Variants in LMBRD2 observed in about 807,000 individuals in gnomAD.
The protein encoded by LMBRD2 is LMBR1 domain containing 2.
Under a neutral mutation model 94.4 loss-of-function variants are expected in LMBRD2, and 55 were observed. That is an observed-to-expected ratio of 0.58 (90% confidence interval 0.47 to 0.73). The LOEUF (loss-of-function observed/expected upper bound fraction) is 0.73, where lower values mean the gene tolerates loss of function less well. LMBRD2 is among the 30% of genes least tolerant of loss of function. The pLI, the probability that LMBRD2 is intolerant of heterozygous loss-of-function variation, is 0.00. For synonymous variants in LMBRD2, 246 were observed against 272.4 expected (o/e 0.90, Z 0.95); for missense variants, 640 against 831.9 (o/e 0.77, Z 2.84).
chr5:36,103,428 C>T lies in LMBRD2; in HGVS notation c.*618G>A, dbSNP rs1254573617. ...AGTACACATGCTAAATACACAGACA[C>T]GCATCACTTGAAGTATAATCTTAAT... is the stretch of plus-strand genomic sequence containing the variant. On this transcript the variant is annotated 3_prime_UTR_variant, in exon 18 of 18. Transcript: ENST00000296603. 1.3e-5 allele frequency: 2 copies of T among 152,238 alleles called. No homozygotes were observed. The highest frequency in any genetic ancestry group is 4.8e-5 in the African/African-American group (2 of 41,384). The allele number at this position is 152,238 out of a possible 1,614,324, so 9.4% of individuals were successfully genotyped here. A position where few individuals can be genotyped will look rare whatever the true frequency, so the allele number is the denominator to read the frequency against.
At chr5:36,106,508 C>CG (rs1554081237) in intron 16 of LMBRD2, among the ~76,000 whole-genome samples, 2,533 of 132,842 alleles carry the variant, frequency 0.019, 88 homozygotes, top group African/African-American at 0.067. Flanking sequence ...TTTTTTCTTT[C>CG]GTTTTTTTTT....
chr5:36,124,137 T>A, intron 7 of LMBRD2, 54 bp downstream of exon 7: 1 of 1,010,020 alleles, frequency 9.9e-7, no homozygotes, highest in Non-Finnish European at 1.5e-6. Flanking sequence ...ACTTTTGGTA[T>A]AATATTATAT....
At chr5:36,107,071 T>C (rs891242450) in intron 16 of LMBRD2, among the ~76,000 whole-genome samples, 1 of 152,192 alleles carries the variant, frequency 6.6e-6, no homozygotes, top group Non-Finnish European at 1.5e-5. Flanking sequence ...AAGCCCTCTT[T>C]TTCAATCCCC....
At chr5:36,139,753 G>A (rs976736214) in intron 4 of LMBRD2, among the ~76,000 whole-genome samples, 4 of 152,068 alleles carry the variant, frequency 2.6e-5, no homozygotes, top group Admixed American at 6.6e-5. Context: ...CCACTCTGGG[G>A]CTCCTCTCCA....
At chr5:36,124,947 AATAG>A (rs1382593817) in intron 6 of LMBRD2, among the ~76,000 whole-genome samples, 3 of 152,030 alleles carry the variant, frequency 2.0e-5, no homozygotes, top group African/African-American at 2.4e-5. Flanking sequence ...TAAATAAATA[AATAG>A]ATTAAAATTT....
Position 36,098,605 on chromosome 5 carries a change from A to G in LMBRD2, c.*5441T>C, listed in dbSNP as rs1230644920. 6.6e-6 allele frequency: 1 copy of G among 152,086 alleles called. No individual in the cohort carries two copies. Among genetic ancestry groups the G allele is most frequent in the Non-Finnish European group, 1.5e-5 (1 of 67,936 alleles). The allele number at this position is 152,086 out of a possible 1,614,324, so 9.4% of individuals were successfully genotyped here. ...TTCATGCAAAGCTACATTCTTTCCT[A>G]TATTTTAACAGCTAATCAAATAAAC... is the stretch of plus-strand genomic sequence containing the variant. On this transcript the variant is annotated 3_prime_UTR_variant, in exon 18 of 18. Transcript: ENST00000296603.
Position 36,103,879 on chromosome 5 carries a change from A to G in LMBRD2, c.*167T>C, listed in dbSNP as rs1743403210. The G allele has an allele frequency of 3.7e-6, 2 of 539,060 alleles. No individual in the cohort carries two copies. The highest frequency in any genetic ancestry group is 6.8e-6 in the Non-Finnish European group (2 of 295,320). The allele number at this position is 539,060 out of a possible 1,614,324, so 33.4% of individuals were successfully genotyped here. A position where few individuals can be genotyped will look rare whatever the true frequency, so the allele number is the denominator to read the frequency against. On this transcript the variant is annotated 3_prime_UTR_variant, in exon 18 of 18. Coordinates refer to ENST00000296603, the MANE Select transcript of LMBRD2 (RefSeq NM_001007527.2). Reference sequence around the variant, plus strand: ...GTTGAAAAAGGTGATACTCTATTCAATGCACATTAAACTATTATTCCTAAG... The same window carrying G: ...GTTGAAAAAGGTGATACTCTATTCAGTGCACATTAAACTATTATTCCTAAG...
At chr5:36,117,674 A>C in intron 10 of LMBRD2, 61 bp downstream of exon 10, 1 of 1,167,294 alleles carries the variant, frequency 8.6e-7, no homozygotes, top group Non-Finnish European at 1.2e-6. Flanking sequence ...ACATGGAGAA[A>C]ATAGTTAAGG....
intron 16 of LMBRD2, among the ~76,000 whole-genome samples, chr5:36,106,928 A>G (rs1187285340): frequency 6.6e-6 from 1 of 152,134 alleles, no homozygotes. Context: ...TCATGCCACA[A>G]CGTCCTGCAC....
At chr5:36,149,535 G>A (rs539640934) in intron 1 of LMBRD2, among the ~76,000 whole-genome samples, 1 of 152,330 alleles carries the variant, frequency 6.6e-6, no homozygotes, top group African/African-American at 2.4e-5. Flanking sequence ...GACAGATGCT[G>A]GAACTCCAGG....
intron 6 of LMBRD2, among the ~76,000 whole-genome samples, chr5:36,133,042 A>G (rs1744190220): frequency 1.3e-5 from 2 of 151,706 alleles, no homozygotes; most frequent in Non-Finnish European, 2.9e-5. Context: ...CAGCAATTCC[A>G]CTGCTAGGTA....
At chr5:36,135,945 T>A (rs1744260578) in intron 6 of LMBRD2, among the ~76,000 whole-genome samples, 1 of 152,230 alleles carries the variant, frequency 6.6e-6, no homozygotes, top group Non-Finnish European at 1.5e-5. Context: ...CGGAAATAAG[T>A]GTCCTCTGGT....
chr5:36,106,027 T>G (rs1467241234), intron 16 of LMBRD2, among the ~76,000 whole-genome samples: 2 of 152,108 alleles, frequency 1.3e-5, no homozygotes, highest in Non-Finnish European at 2.9e-5. Context: ...CAAATGCAAA[T>G]CTCTTCATCT....
At chr5:36,117,379 A>G (rs936431704) in intron 10 of LMBRD2, among the ~76,000 whole-genome samples, 1 of 151,994 alleles carries the variant, frequency 6.6e-6, no homozygotes, top group African/African-American at 2.4e-5. Context: ...TTGGGAGGCT[A>G]AGGTGAAGGT....
chr5:36,123,683 A>G (rs961615875), intron 7 of LMBRD2, among the ~76,000 whole-genome samples: 18 of 150,704 alleles, frequency 1.2e-4, no homozygotes, highest in African/African-American at 4.4e-4. Context: ...TAACTTTATT[A>G]AATATAGTTA....
intron 1 of LMBRD2, among the ~76,000 whole-genome samples, chr5:36,148,146 A>C (rs1207159924): frequency 6.6e-6 from 1 of 152,180 alleles, no homozygotes. Context: ...TAAATCTTCC[A>C]AACATAATCG....
chr5:36,114,437 C>A lies in LMBRD2; in HGVS notation c.1627G>T (p.Ala543Ser). 1 of 1,556,130 alleles carries A rather than the reference C, an allele frequency of 6.4e-7. No homozygotes were observed. Among genetic ancestry groups the A allele is most frequent in the Admixed American group, 2.1e-5 (1 of 48,376 alleles). The change falls in exon 13 of 18, where the codon GCT (alanine) becomes TCT (serine). Residue 543 changes from alanine to serine, a missense_variant. Physicochemically the swap from Ala to Ser is moderately conservative, Grantham distance 99 (BLOSUM62 1). Around this residue, in one of 2 missense-constraint regions of LMBRD2, gnomAD observed 183 missense variants for 189.1 expected, o/e 0.97. Transcript: ENST00000296603. ...YPMLVVILCI[A>S]TYFSLGTRCL... ...TAAGTTTCTTACCTAAAATAAGTAG[C>A]AATGCAGAGAATTACCACCAACATA...
Position 36,115,013 on chromosome 5 carries a change from A to G in LMBRD2, c.1542+2T>C, listed in dbSNP as rs1175461510. 2 of 1,545,914 alleles carry G rather than the reference A, an allele frequency of 1.3e-6. No individual in the cohort carries two copies. Among genetic ancestry groups the G allele is most frequent in the African/African-American group, 2.7e-5 (2 of 73,464 alleles). On this transcript the variant is annotated splice_donor_variant, in intron 12 of 17. Coordinates refer to ENST00000296603, the MANE Select transcript of LMBRD2 (RefSeq NM_001007527.2). LOFTEE classifies it high-confidence loss of function. ...GGAATTCTATTTTCTGACCGTACTT[A>G]CAGATGTATAAGCAGTTGGTTGAGT...
intron 6 of LMBRD2, among the ~76,000 whole-genome samples, chr5:36,133,265 T>C (rs1223006060): frequency 2.0e-5 from 3 of 151,952 alleles, no homozygotes; most frequent in African/African-American, 7.3e-5. Flanking sequence ...TGGGTGGAGT[T>C]AGAGGTCACT....
Sources: allele counts gnomAD v4.1 joint callset (sites outside exome capture counted in the v4.1 genomes callset), GRCh38; gene constraint gnomAD v4.1.1; regional missense constraint gnomAD v4.1.1; transcripts MANE v1.5; gene names NCBI Gene and HGNC (gene_info 2026-07-23, HGNC 2026-07-21).